The following EXOC2 variants were observed in gnomAD, a reference collection of about 807,000 sequenced individuals.
EXOC2 encodes exocyst complex component 2.
EXOC2 carries 70 observed loss-of-function variants against 131.8 expected under a neutral mutation model. The ratio of observed to expected loss-of-function variants is 0.53; its 90% confidence interval spans 0.44 to 0.65. The LOEUF (loss-of-function observed/expected upper bound fraction) is 0.65. Ranked by LOEUF, EXOC2 falls within the 30% of genes least tolerant of loss-of-function variation. EXOC2 has a pLI of 0.00. For synonymous variants in EXOC2, 411 were observed against 398.4 expected, an observed-to-expected ratio of 1.03 and a Z score of -0.38; for missense variants, 923 against 1,108.6, an observed-to-expected ratio of 0.83 and a Z score of 2.38.
chr6:648,965 C>T (rs1762707525), intron 1 of EXOC2, among the ~76,000 whole-genome samples: 1 of 151,876 alleles, frequency 6.6e-6, no homozygotes, highest in Non-Finnish European at 1.5e-5. Context: ...TGCCCGCTTC[C>T]GCCTCCCAAC....
intron 1 of EXOC2, among the ~76,000 whole-genome samples, chr6:689,614 A>G (rs909725407): frequency 1.2e-4 from 18 of 152,206 alleles, no homozygotes; most frequent in African/African-American, 3.9e-4. Context: ...TCAATACTAC[A>G]GAGTTTAGTT....
intron 11 of EXOC2, 119 bp downstream of exon 11, chr6:592,350 G>A (rs943804720): frequency 1.2e-6 from 1 of 848,914 alleles, no homozygotes; most frequent in Non-Finnish European, 1.8e-6. Flanking sequence ...ACAAGCAAAA[G>A]ACAATAATAA....
At chr6:643,200 G>T (rs541798035) in intron 1 of EXOC2, among the ~76,000 whole-genome samples, 2 of 152,124 alleles carry the variant, frequency 1.3e-5, no homozygotes, top group African/African-American at 4.8e-5. Flanking sequence ...TTAATAACTA[G>T]ATATTAAAAA....
chr6:601,199 C>T (rs926359591), intron 7 of EXOC2, among the ~76,000 whole-genome samples: 1 of 151,532 alleles, frequency 6.6e-6, no homozygotes, highest in African/African-American at 2.4e-5. Context: ...ATAAAATCCC[C>T]TTGTGCGAAT....
intron 22 of EXOC2, among the ~76,000 whole-genome samples, chr6:533,171 A>G (rs757723317): frequency 1.2e-4 from 18 of 152,210 alleles, no homozygotes; most frequent in Admixed American, 2.6e-4. Flanking sequence ...TATGGGGATT[A>G]CAAATCAAGA....
At chr6:493,734 T>A (rs957071070) in intron 25 of EXOC2, among the ~76,000 whole-genome samples, 1 of 152,168 alleles carries the variant, frequency 6.6e-6, no homozygotes, top group Non-Finnish European at 1.5e-5. Context: ...TCATTCTCAG[T>A]GGGAGAGTGA....
chr6:491,652 T>G (rs1286246155), intron 25 of EXOC2, among the ~76,000 whole-genome samples: 4 of 152,234 alleles, frequency 2.6e-5, no homozygotes, highest in African/African-American at 9.6e-5. Context: ...TAAACTCTGC[T>G]CTATGGATTC....
At chr6:597,246 G>A (rs1237570210) in intron 10 of EXOC2, among the ~76,000 whole-genome samples, 3 of 151,668 alleles carry the variant, frequency 2.0e-5, no homozygotes, top group East Asian at 1.9e-4. Flanking sequence ...GTGAGATCTC[G>A]GTTCACTGCA....
chr6:517,447 G>A (rs886533115), intron 23 of EXOC2, among the ~76,000 whole-genome samples: 18 of 152,146 alleles, frequency 1.2e-4, no homozygotes, highest in African/African-American at 4.3e-4. Flanking sequence ...AATGACCTTT[G>A]AGAAATACTA....
rs537970874 is a variant in EXOC2, at chr6:682,442, T to C, written c.-44+10577A>G. Among the ~76,000 whole-genome samples, 195 of 152,202 alleles carry C rather than the reference T, an allele frequency of 1.3e-3. 1 individual carries two copies. Among genetic ancestry groups the C allele is most frequent in the African/African-American group, 4.4e-3 (181 of 41,510 alleles). On this transcript the variant is annotated intron_variant, in intron 1 of 27. Coordinates refer to ENST00000230449, the MANE Select transcript of EXOC2 (RefSeq NM_018303.6). ...GTCTAGATCTCCTGACCTCGTGATC[T>C]GCCCGCCTTGGCCTCTCAAAGTGCT...
intron 1 of EXOC2, chr6:656,576 G>A (rs746347980): frequency 6.9e-6 from 11 of 1,591,776 alleles, no homozygotes; most frequent in Non-Finnish European, 9.4e-6. Context: ...TGCGAGCGCG[G>A]CCCAGGGACG....
At chr6:676,838 T>C (rs185717829) in intron 1 of EXOC2, among the ~76,000 whole-genome samples, 6 of 20,770 alleles carry the variant, frequency 2.9e-4, no homozygotes, top group East Asian at 3.8e-3. Context: ...GTTCCTCTGG[T>C]GACTCTGCGG....
intron 2 of EXOC2, among the ~76,000 whole-genome samples, chr6:636,892 T>C (rs1356528792): frequency 6.6e-6 from 1 of 152,180 alleles, no homozygotes; most frequent in African/African-American, 2.4e-5. Context: ...AAAAATAATG[T>C]TTAGGCTCCA....
intron 1 of EXOC2, among the ~76,000 whole-genome samples, chr6:644,982 A>C (rs1006509887): frequency 2.0e-5 from 3 of 152,110 alleles, no homozygotes; most frequent in African/African-American, 7.2e-5. Context: ...ATTCCAGTAG[A>C]TATTCGAACA....
chr6:511,152 T>C (rs2127503789), intron 23 of EXOC2, among the ~76,000 whole-genome samples: 1 of 152,338 alleles, frequency 6.6e-6, no homozygotes, highest in Non-Finnish European at 1.5e-5. Flanking sequence ...TGGGAAGGGT[T>C]CCTGCCATGG....
At chr6:621,953 A>C (rs545418457) in intron 4 of EXOC2, among the ~76,000 whole-genome samples, 1 of 152,254 alleles carries the variant, frequency 6.6e-6, no homozygotes, top group East Asian at 1.9e-4. Context: ...ATAGAGACTG[A>C]GTGGAGGCTT....
At chr6:651,983 G>A (rs1762853428) in intron 1 of EXOC2, among the ~76,000 whole-genome samples, 1 of 151,094 alleles carries the variant, frequency 6.6e-6, no homozygotes, top group Non-Finnish European at 1.5e-5. Flanking sequence ...TTGAACCCGG[G>A]AGGCGAAGGT....
rs781735005 is a variant in EXOC2 at position 656,778 on chromosome 6, C to G, written c.-43-18917G>C. On this transcript the variant is annotated intron_variant, in intron 1 of 27. Transcript: ENST00000230449. ...CTGGAAGGCCCCCTGCCGCACCTCGCACCACAGCCTGGCCTCGTGGAGGCC... is the reference window on the plus strand; with the variant it reads ...CTGGAAGGCCCCCTGCCGCACCTCGGACCACAGCCTGGCCTCGTGGAGGCC... 5.0e-6 allele frequency: 8 copies of G among 1,598,894 alleles called. No homozygotes were observed. In the South Asian group the frequency reaches 6.7e-5, roughly 13 times the overall value.
intron 15 of EXOC2, 93 bp downstream of exon 15, chr6:564,449 AAAG>A (rs1757861533): frequency 3.3e-6 from 5 of 1,510,686 alleles, no homozygotes; most frequent in South Asian, 2.4e-5. Flanking sequence ...AAAAGAAGAA[AAAG>A]AAGAATTTCT....
Sources: allele counts gnomAD v4.1 joint callset (sites outside exome capture counted in the v4.1 genomes callset), GRCh38; gene constraint gnomAD v4.1.1; transcripts MANE v1.5; gene names NCBI Gene and HGNC (gene_info 2026-07-23, HGNC 2026-07-21).